CSMD3: variants seen among roughly 807,000 people sequenced by gnomAD.
The protein encoded by CSMD3 is CUB and sushi domain-containing protein 3.
CSMD3 carries 177 observed loss-of-function variants against 435.2 expected under a neutral mutation model. That is an observed-to-expected ratio of 0.41 (90% CI 0.36 to 0.46). The LOEUF (loss-of-function observed/expected upper bound fraction) is 0.46, where lower values mean the gene tolerates loss of function less well. Ranked by LOEUF, CSMD3 falls within the 20% of genes least tolerant of loss-of-function variation. The pLI, the probability that CSMD3 is intolerant of heterozygous loss-of-function variation, is 0.34. For synonymous variants in CSMD3, 1,656 were observed against 1,520.5 expected, an observed-to-expected ratio of 1.09 and a Z score of -2.07; for missense variants, 4,265 against 4,504.6, an observed-to-expected ratio of 0.95 and a Z score of 1.52.
chr8:113,336,106 T>C (rs1179199709), intron 1 of CSMD3, among the ~76,000 whole-genome samples: 2 of 152,118 alleles, frequency 1.3e-5, no homozygotes, highest in Non-Finnish European at 2.9e-5. Flanking sequence ...TATCCATTTT[T>C]TTGGCCTACT....
chr8:112,269,570 C>T (rs1817269681), intron 59 of CSMD3, among the ~76,000 whole-genome samples: 1 of 152,148 alleles, frequency 6.6e-6, no homozygotes, highest in Non-Finnish European at 1.5e-5. Flanking sequence ...TCCCAAAACA[C>T]CATATGCACT....
chr8:112,285,433 C>T (rs756394873), intron 58 of CSMD3, among the ~76,000 whole-genome samples: 41 of 151,948 alleles, frequency 2.7e-4, no homozygotes, highest in Non-Finnish European at 3.5e-4. Context: ...TAAAACTGAC[C>T]CAGTTACAAA....
At chr8:113,143,358 A>T (rs1301984013) in intron 4 of CSMD3, among the ~76,000 whole-genome samples, 1 of 151,452 alleles carries the variant, frequency 6.6e-6, no homozygotes, top group Non-Finnish European at 1.5e-5. Context: ...TCAATCACTT[A>T]CATATCACCA....
intron 12 of CSMD3, among the ~76,000 whole-genome samples, chr8:112,816,493 A>G (rs1287275861): frequency 1.3e-5 from 2 of 152,132 alleles, no homozygotes; most frequent in Non-Finnish European, 2.9e-5. Flanking sequence ...CATATTTAGT[A>G]TATGCTCTTC....
At chr8:113,208,696 A>G (rs1412459596) in intron 3 of CSMD3, among the ~76,000 whole-genome samples, 3 of 152,152 alleles carry the variant, frequency 2.0e-5, no homozygotes, top group Non-Finnish European at 4.4e-5. Flanking sequence ...ACATAAGTAC[A>G]TGAAGAAAAA....
intron 9 of CSMD3, among the ~76,000 whole-genome samples, chr8:112,932,704 A>G (rs1382238769): frequency 6.6e-6 from 1 of 152,022 alleles, no homozygotes; most frequent in Non-Finnish European, 1.5e-5. Flanking sequence ...GGGAGGGGGT[A>G]CAAAGAGAGG....
At chr8:112,871,195 T>C (rs2081126284) in intron 10 of CSMD3, among the ~76,000 whole-genome samples, 1 of 152,186 alleles carries the variant, frequency 6.6e-6, no homozygotes. Context: ...GTATACTCTT[T>C]GAATGTAAAA....
At chr8:113,178,688 G>C (rs932400115) in intron 3 of CSMD3, among the ~76,000 whole-genome samples, 2 of 151,810 alleles carry the variant, frequency 1.3e-5, no homozygotes, top group African/African-American at 2.4e-5. Context: ...GTTTTTGTTT[G>C]TTTGTTTCCA....
chr8:112,344,366 A>G (rs2131012750), intron 41 of CSMD3, among the ~76,000 whole-genome samples: 1 of 152,324 alleles, frequency 6.6e-6, no homozygotes, highest in South Asian at 2.1e-4. Flanking sequence ...AAAAATGCAA[A>G]GTCTGCATTG....
intron 22 of CSMD3, among the ~76,000 whole-genome samples, chr8:112,611,137 C>T (rs553306849): frequency 6.6e-6 from 1 of 152,098 alleles, no homozygotes; most frequent in Non-Finnish European, 1.5e-5. Context: ...CAAATTTTAG[C>T]TCAAGTGTTT....
chr8:113,010,130 T>C (rs1375650369), intron 6 of CSMD3, among the ~76,000 whole-genome samples: 1 of 151,646 alleles, frequency 6.6e-6, no homozygotes, highest in Non-Finnish European at 1.5e-5. Flanking sequence ...AAAGGTGTCT[T>C]GGAGTACAAG....
intron 10 of CSMD3, among the ~76,000 whole-genome samples, chr8:112,899,879 T>G (rs1302843065): frequency 6.7e-6 from 1 of 150,190 alleles, no homozygotes; most frequent in Non-Finnish European, 1.5e-5. Flanking sequence ...ATATATATCT[T>G]CTGATTAGTT....
chr8:112,594,357 G>A (rs13268864), intron 22 of CSMD3, among the ~76,000 whole-genome samples: 87,121 of 151,938 alleles, frequency 0.57, 25,514 homozygotes, highest in African/African-American at 0.68. Flanking sequence ...CACCCGGCTC[G>A]GAGGGTCCTA....
intron 6 of CSMD3, among the ~76,000 whole-genome samples, chr8:112,977,915 T>C (rs1488760988): frequency 1.3e-5 from 2 of 152,042 alleles, no homozygotes; most frequent in East Asian, 3.9e-4. Context: ...GGTTAAGCAA[T>C]AGCTATGCTT....
chr8:112,686,810 T>C (rs973843172), intron 14 of CSMD3, among the ~76,000 whole-genome samples: 7 of 152,028 alleles, frequency 4.6e-5, no homozygotes, highest in East Asian at 3.9e-4. Context: ...TTTTAAAAAA[T>C]TGAATTCCCT....
intron 28 of CSMD3, among the ~76,000 whole-genome samples, chr8:112,511,516 A>G (rs1823133557): frequency 6.7e-6 from 1 of 149,306 alleles, no homozygotes; most frequent in African/African-American, 2.5e-5. Context: ...CAGCCTCCTG[A>G]GTAGCTGGGA....
intron 59 of CSMD3, among the ~76,000 whole-genome samples, chr8:112,278,442 AGTTCT>A (rs1377159173): frequency 6.6e-6 from 1 of 152,172 alleles, no homozygotes; most frequent in African/African-American, 2.4e-5. Flanking sequence ...AGTGATTCTG[AGTTCT>A]GTGCCTCTCA....
At chr8:112,343,093 TA>T (rs1025841690) in intron 41 of CSMD3, among the ~76,000 whole-genome samples, 1 of 146,814 alleles carries the variant, frequency 6.8e-6, no homozygotes, top group African/African-American at 2.5e-5. Context: ...AGAGTATGGT[TA>T]TTAAAATGTA....
chr8:113,047,175 T>C (rs1374018420), intron 5 of CSMD3, among the ~76,000 whole-genome samples: 1 of 152,208 alleles, frequency 6.6e-6, no homozygotes, highest in African/African-American at 2.4e-5. Flanking sequence ...CATCCTGTTG[T>C]TTCCCCATTA....
Sources: gnomAD v4.1 joint callset for allele counts (sites outside exome capture counted in the v4.1 genomes callset) on GRCh38, gnomAD v4.1.1 for gene constraint, MANE v1.5 for transcripts, NCBI Gene and HGNC (gene_info 2026-07-23, HGNC 2026-07-21) for gene names.